Variants in LINGO2 observed in about 807,000 individuals in gnomAD.
The protein encoded by LINGO2 is leucine-rich repeat and immunoglobulin-like domain-containing nogo receptor-interacting protein 2.
Under a neutral mutation model 30.6 loss-of-function variants are expected in LINGO2, and 14 were observed. The observed-to-expected ratio is 0.46, with a 90% CI of 0.30 to 0.72. The LOEUF is 0.72. Ranked by LOEUF, LINGO2 falls within the 30% of genes least tolerant of loss-of-function variation. LINGO2 has a pLI of 0.07. For synonymous variants in LINGO2, 317 were observed against 288.5 expected, an observed-to-expected ratio of 1.10 and a Z score of -1.00; for missense variants, 729 against 751.7, an observed-to-expected ratio of 0.97 and a Z score of 0.35.
chr9:28,291,355 C>T (rs1823720814), intron 4 of LINGO2, among the ~76,000 whole-genome samples: 1 of 152,182 alleles, frequency 6.6e-6, no homozygotes, highest in Non-Finnish European at 1.5e-5. Context: ...CAAATCATTA[C>T]TACATCCACG....
At chr9:28,479,448 A>G (rs1197343404) in intron 1 of LINGO2, among the ~76,000 whole-genome samples, 1 of 151,992 alleles carries the variant, frequency 6.6e-6, no homozygotes, top group Non-Finnish European at 1.5e-5. Flanking sequence ...AAATGTCATT[A>G]TAAATTTTAC....
intron 4 of LINGO2, among the ~76,000 whole-genome samples, chr9:28,046,421 G>T (rs1174624642): frequency 1.3e-5 from 2 of 152,154 alleles, no homozygotes; most frequent in Non-Finnish European, 2.9e-5. Context: ...CCACCAATTT[G>T]CATTTCTAAC....
chr9:28,387,348 A>G (rs1477502104), intron 2 of LINGO2, among the ~76,000 whole-genome samples: 2 of 151,772 alleles, frequency 1.3e-5, no homozygotes, highest in Non-Finnish European at 2.9e-5. Context: ...CTAGCTAAAG[A>G]TTTGTAAACG....
At chr9:28,214,555 A>G (rs1179361121) in intron 4 of LINGO2, among the ~76,000 whole-genome samples, 1 of 151,622 alleles carries the variant, frequency 6.6e-6, no homozygotes, top group Non-Finnish European at 1.5e-5. Flanking sequence ...AGATGGTACT[A>G]TAGGTCCATC....
intron 1 of LINGO2, among the ~76,000 whole-genome samples, chr9:28,596,928 C>T (rs889109609): frequency 6.6e-6 from 1 of 152,148 alleles, no homozygotes; most frequent in Non-Finnish European, 1.5e-5. Context: ...GTGCGGGTCC[C>T]CTGTGTTCCA....
the LINGO2 span, among the ~76,000 whole-genome samples, chr9:28,791,188 G>T: frequency 6.6e-6 from 1 of 152,032 alleles, no homozygotes; most frequent in African/African-American, 2.4e-5. Flanking sequence ...CGAGAGTAAG[G>T]TAACTAAAAT....
the LINGO2 span, among the ~76,000 whole-genome samples, chr9:28,869,744 T>C: frequency 6.6e-6 from 1 of 151,872 alleles, no homozygotes; most frequent in East Asian, 1.9e-4. Context: ...AGGTCAAAAA[T>C]CAATAGGTGA....
At chr9:28,062,005 A>G (rs1410963534) in intron 4 of LINGO2, among the ~76,000 whole-genome samples, 2 of 152,116 alleles carry the variant, frequency 1.3e-5, no homozygotes, top group African/African-American at 4.8e-5. Flanking sequence ...AATAAATGAG[A>G]TAGAGGTATT....
In LINGO2 at chr9:28,350,445, G is replaced by A. The variant is rs1317289654; in HGVS notation, c.-246+22391C>T. 3.3e-5 allele frequency among the ~76,000 whole-genome samples: 5 copies of A among 149,592 alleles called. No homozygotes were observed. In the East Asian group the frequency reaches 9.8e-4, roughly 29 times the overall value. The stretch of plus-strand genomic sequence containing the variant: ...TAAAGGGATCAATTCAACAAGAAGA[G>A]CTAACTATCCTAAATATATATGCAC... On this transcript the variant is annotated intron_variant, in intron 3 of 5. Transcript: ENST00000379992.
chr9:28,329,176 C>T lies in LINGO2; in HGVS notation c.-245-33810G>A, dbSNP rs1182089586. ...AAGGCTCCCAAATCTGAAACCAAGCCTCCAGTTTCCAAAGGAGCCGAGATT... is the reference window on the plus strand; with the variant it reads ...AAGGCTCCCAAATCTGAAACCAAGCTTCCAGTTTCCAAAGGAGCCGAGATT... On this transcript the variant is annotated intron_variant, in intron 3 of 5. Transcript: ENST00000379992. This position sits in a 1 kb window ranked among gnomAD's most constrained non-coding sequence, Gnocchi z 4.5. Among the ~76,000 whole-genome samples the T allele has an allele frequency of 6.6e-6, 1 of 152,142 alleles. No individual in the cohort carries two copies. The highest frequency in any genetic ancestry group is 2.4e-5 in the African/African-American group (1 of 41,436).
chr9:28,738,216 T>C, the LINGO2 span, among the ~76,000 whole-genome samples: 1 of 152,106 alleles, frequency 6.6e-6, no homozygotes, highest in East Asian at 1.9e-4. Context: ...AGTTATTTCA[T>C]TTTTTTCAGC....
At chr9:28,980,017 A>C in the LINGO2 span, among the ~76,000 whole-genome samples, 39 of 152,270 alleles carry the variant, frequency 2.6e-4, no homozygotes, top group Non-Finnish European at 4.4e-4. Flanking sequence ...TCCCATTGGA[A>C]CCACAAGCAA....
At chr9:28,209,175 T>G (rs1307279117) in intron 4 of LINGO2, among the ~76,000 whole-genome samples, 1 of 152,074 alleles carries the variant, frequency 6.6e-6, no homozygotes, top group East Asian at 1.9e-4. Flanking sequence ...ATCTTATTTA[T>G]CCATTCTCTA....
At chr9:28,536,778 T>A (rs1358658261) in intron 1 of LINGO2, among the ~76,000 whole-genome samples, 3 of 152,116 alleles carry the variant, frequency 2.0e-5, no homozygotes, top group Admixed American at 2.0e-4. Context: ...CATTTGATAC[T>A]ATGTAACTTT....
the LINGO2 span, among the ~76,000 whole-genome samples, chr9:28,785,645 AC>A: frequency 2.5e-5 from 1 of 40,722 alleles, no homozygotes; most frequent in African/African-American, 9.5e-5. Context: ...CTCCCCCGCC[AC>A]CCAGGGCCCT....
At chr9:29,150,481 C>A in the LINGO2 span, among the ~76,000 whole-genome samples, 1 of 152,272 alleles carries the variant, frequency 6.6e-6, no homozygotes, top group East Asian at 1.9e-4. Flanking sequence ...AGAAAGCTCA[C>A]TGTGATTCAG....
intron 1 of LINGO2, among the ~76,000 whole-genome samples, chr9:28,559,770 C>T (rs928996925): frequency 6.6e-6 from 1 of 151,806 alleles, no homozygotes; most frequent in South Asian, 2.1e-4. Context: ...TTTATGTTTG[C>T]CAGTATTTAA....
intron 1 of LINGO2, among the ~76,000 whole-genome samples, chr9:28,566,470 A>T (rs1314948359): frequency 6.6e-6 from 1 of 152,124 alleles, no homozygotes; most frequent in African/African-American, 2.4e-5. Context: ...AAGCTTTTCA[A>T]CTGCTAAATA....
At chr9:28,811,744 T>C in the LINGO2 span, among the ~76,000 whole-genome samples, 61 of 152,302 alleles carry the variant, frequency 4.0e-4, no homozygotes, top group Non-Finnish European at 6.6e-4. Flanking sequence ...GTTAACCATA[T>C]ACTCTACTTC....
Sources: allele counts gnomAD v4.1 joint callset (sites outside exome capture counted in the v4.1 genomes callset), GRCh38; gene constraint gnomAD v4.1.1; non-coding constraint Gnocchi (gnomAD v3.1); transcripts MANE v1.5; gene names NCBI Gene and HGNC (gene_info 2026-07-23, HGNC 2026-07-21).